The following CLUAP1 variants were observed in gnomAD, a reference collection of about 807,000 sequenced individuals.
CLUAP1 encodes clusterin-associated protein 1.
CLUAP1 carries 50 observed loss-of-function variants against 55.0 expected under a neutral mutation model. The observed-to-expected ratio is 0.91, with a 90% CI of 0.72 to 1.15. The LOEUF (loss-of-function observed/expected upper bound fraction) is 1.15, where lower values mean the gene tolerates loss of function less well. Among genes scored for constraint, CLUAP1 ranks in the 50% most tolerant of loss-of-function variants. CLUAP1 has a pLI of 0.00. For synonymous variants in CLUAP1, 195 were observed against 175.4 expected, an observed-to-expected ratio of 1.11 and a Z score of -0.88; for missense variants, 530 against 507.6, an observed-to-expected ratio of 1.04 and a Z score of -0.42.
At chr16:3,534,866 T>A (rs1317617400) in intron 11 of CLUAP1, 3 of 152,192 alleles carry the variant, frequency 2.0e-5, no homozygotes. Flanking sequence ...AGGTGGAATT[T>A]AAGTCTGGAG....
At chr16:3,496,812 A>G (rs1357058374), upstream of CLUAP1, 8 of 361,246 alleles carry the variant, frequency 2.2e-5, no homozygotes, top group African/African-American at 4.3e-5. Context: ...CAAAAAAACA[A>G]AAAGTTAAAA....
chr16:3,538,281 CTT>C lies in CLUAP1; in HGVS notation c.*2012_*2013del, dbSNP rs2038274772. On this transcript the variant is annotated 3_prime_UTR_variant, in exon 12 of 12. Transcript: ENST00000576634. The stretch of plus-strand genomic sequence containing the variant: ...ATTTCTGTCATTTTTGCTTTTTTCT[CTT>C]TCTTTTCCTAAATTTTATGTATAAG... 1 of 151,012 alleles carries C rather than the reference CTT, an allele frequency of 6.6e-6. No homozygotes were observed. The highest frequency in any genetic ancestry group is 6.6e-5 in the Admixed American group (1 of 15,124). 9.4% of individuals were successfully genotyped at this position (151,012 alleles called of 1,614,324 possible). A position where few individuals can be genotyped will look rare whatever the true frequency, so the allele number is the denominator to read the frequency against.
In CLUAP1 at chr16:3,536,759, T is replaced by G. The variant is rs2038240064; in HGVS notation, c.*488T>G. 1 of 152,950 alleles carries G rather than the reference T, an allele frequency of 6.5e-6. No homozygotes were observed. Among genetic ancestry groups the G allele is most frequent in the African/African-American group, 2.4e-5 (1 of 41,488 alleles). 9.5% of individuals were successfully genotyped at this position (152,950 alleles called of 1,614,324 possible). The stretch of plus-strand genomic sequence containing the variant: ...GCTTTTAATTCTAGCTCTTATTTCA[T>G]TTTGTAATCTTATTTTCTTTCGTCT... On this transcript the variant is annotated 3_prime_UTR_variant, in exon 12 of 12. Coordinates refer to ENST00000576634, the MANE Select transcript of CLUAP1 (RefSeq NM_015041.3).
intron 11 of CLUAP1, 162 bp downstream of exon 11, chr16:3,533,003 T>G: frequency 7.3e-7 from 1 of 1,370,918 alleles, no homozygotes; most frequent in South Asian, 1.2e-5. Flanking sequence ...CTCTGGACTC[T>G]TCGTTGCTCG....
In CLUAP1 at chr16:3,537,143, T is replaced by C. The variant is rs2038248713; in HGVS notation, c.*872T>C. The stretch of plus-strand genomic sequence containing the variant: ...GTTTTGTCTAAAGTGTGGCAAGACA[T>C]AGTGCACAACACAGGGACAAAGGCA... On this transcript the variant is annotated 3_prime_UTR_variant, in exon 12 of 12. Transcript: ENST00000576634. 6.6e-6 allele frequency: 1 copy of C among 152,202 alleles called. No homozygotes were observed. The highest frequency in any genetic ancestry group is 1.5e-5 in the Non-Finnish European group (1 of 68,026). 9.4% of individuals were successfully genotyped at this position (152,202 alleles called of 1,614,324 possible).
At chr16:3,515,790 C>T (rs1448195038) in intron 6 of CLUAP1, among the ~76,000 whole-genome samples, 199 bp downstream of exon 6, 1 of 152,120 alleles carries the variant, frequency 6.6e-6, no homozygotes, top group Non-Finnish European at 1.5e-5. Context: ...ATAAAAACAG[C>T]TTCTCATGTT....
intron 9 of CLUAP1, among the ~76,000 whole-genome samples, chr16:3,528,663 T>G (rs1422425355): frequency 6.6e-6 from 1 of 152,194 alleles, no homozygotes; most frequent in Non-Finnish European, 1.5e-5. Context: ...CATTCTGATC[T>G]TGCTTTATTC....
chr16:3,532,643 C>G (rs543752786), intron 10 of CLUAP1, 143 bp from the exon 11 acceptor site: 21 of 778,562 alleles, frequency 2.7e-5, no homozygotes, highest in Non-Finnish European at 4.2e-6. Context: ...GCCTCAAACT[C>G]CTGGCCTCCT....
intron 3 of CLUAP1, among the ~76,000 whole-genome samples, chr16:3,507,146 A>C (rs2037522696): frequency 6.6e-6 from 1 of 151,436 alleles, no homozygotes; most frequent in Non-Finnish European, 1.5e-5. Context: ...CAGTGAGCCG[A>C]GATCACGCCA....
chr16:3,523,315 C>G lies in CLUAP1; in HGVS notation c.855+16C>G, dbSNP rs760747655. The G allele has an allele frequency of 1.2e-6, 2 of 1,602,168 alleles. No homozygotes were observed. The highest frequency in any genetic ancestry group is 1.1e-5 in the South Asian group (1 of 88,412). Reference sequence around the variant, plus strand: ...AAGGTTTGAGGTGAGCTGAGCCTGTCCTCTGTTCAGCCATTCCTTCTGGTG... The same window carrying G: ...AAGGTTTGAGGTGAGCTGAGCCTGTGCTCTGTTCAGCCATTCCTTCTGGTG... On this transcript the variant is annotated intron_variant, in intron 8 of 11. Transcript: ENST00000576634.
chr16:3,509,544 C>G (rs1258235264), intron 4 of CLUAP1, among the ~76,000 whole-genome samples: 1 of 152,186 alleles, frequency 6.6e-6, no homozygotes, highest in Non-Finnish European at 1.5e-5. Flanking sequence ...GCTGGTGGGA[C>G]AGGTGCCGTC....
rs754953837 is a variant in CLUAP1 at position 3,512,467 on chromosome 16, G to C, written c.484G>C (p.Val162Leu). The change falls in exon 5 of 12, where the codon GTA becomes CTA. Residue 162 changes from valine (V) to leucine (L), a missense_variant. Transcript: ENST00000576634. ...TCTGTATGACTTGCTCGGCATGGAA[G>C]TAGAGTTGAGGGTAAGCATTCCAGT... ...ASLYDLLGMEVELREMRTEAI... is the reference protein window; with the variant it reads ...ASLYDLLGMELELREMRTEAI... 7 of 1,613,278 alleles carry C rather than the reference G, an allele frequency of 4.3e-6. No homozygotes were observed. Among genetic ancestry groups the C allele is most frequent in the Non-Finnish European group, 4.2e-6 (5 of 1,179,224 alleles).
intron 9 of CLUAP1, among the ~76,000 whole-genome samples, chr16:3,529,751 TTA>T (rs2038062913): frequency 2.0e-5 from 1 of 50,048 alleles, no homozygotes; most frequent in Admixed American, 3.9e-4. Context: ...ATATTATATA[TTA>T]TATAATATAT....
At chr16:3,495,970 C>G in the CLUAP1 span, among the ~76,000 whole-genome samples, 6 of 152,046 alleles carry the variant, frequency 3.9e-5, no homozygotes, top group Admixed American at 3.9e-4. Context: ...GAAACCCCGT[C>G]TCTACTAAAA....
intron 5 of CLUAP1, among the ~76,000 whole-genome samples, chr16:3,514,203 A>G (rs560805216): frequency 1.3e-5 from 2 of 152,314 alleles, no homozygotes; most frequent in African/African-American, 2.4e-5. Context: ...CTGTGGCATC[A>G]TTGTGAGACT....
intron 7 of CLUAP1, among the ~76,000 whole-genome samples, chr16:3,520,980 G>A (rs369800812): frequency 2.6e-5 from 4 of 151,564 alleles, no homozygotes. Context: ...TACTCTGCTC[G>A]GATGTTTTGC....
chr16:3,514,109 G>A (rs1161660951), intron 5 of CLUAP1, among the ~76,000 whole-genome samples: 1 of 152,228 alleles, frequency 6.6e-6, no homozygotes, highest in Non-Finnish European at 1.5e-5. Context: ...TGTTCTGTTT[G>A]TAGTGCAGTG....
upstream of CLUAP1, among the ~76,000 whole-genome samples, chr16:3,499,590 T>A (rs1428439537): frequency 6.6e-6 from 1 of 152,238 alleles, no homozygotes; most frequent in Non-Finnish European, 1.5e-5. Context: ...TTTTGTGAAG[T>A]AGCTTTTAAA....
At position 3,502,741 on chromosome 16, in the gene CLUAP1, A is replaced by G. The variant is rs77239310; in HGVS notation, c.22+1652A>G. On this transcript the variant is annotated intron_variant, in intron 1 of 11. Coordinates refer to ENST00000576634, the MANE Select transcript of CLUAP1 (RefSeq NM_015041.3). ...CTGTCTCCTCCCACATAGTTTTTAG[A>G]GAGGCCAGCACCCTGCCGGGGGACG... is the stretch of plus-strand genomic sequence containing the variant. Among the ~76,000 whole-genome samples, 161 of 152,256 alleles carry G rather than the reference A, an allele frequency of 1.1e-3. 1 individual carries two copies. The East Asian group carries it at 0.027, about 25-fold the overall frequency.
Sources: allele counts gnomAD v4.1 joint callset (sites outside exome capture counted in the v4.1 genomes callset), GRCh38; gene constraint gnomAD v4.1.1; transcripts MANE v1.5; gene names NCBI Gene and HGNC (gene_info 2026-07-23, HGNC 2026-07-21).